Variants in PDSS2 observed in about 807,000 individuals in gnomAD.
PDSS2 encodes the protein all trans-polyprenyl-diphosphate synthase PDSS2.
PDSS2 carries 31 observed loss-of-function variants against 44.5 expected under a neutral mutation model. That is an observed-to-expected ratio of 0.70 (90% confidence interval 0.52 to 0.94). PDSS2 has a LOEUF of 0.94. PDSS2 is among the 40% of genes least tolerant of loss of function. The pLI, the probability that PDSS2 is intolerant of heterozygous loss-of-function variation, is 0.00. For synonymous variants in PDSS2, 157 were observed against 180.3 expected (o/e 0.87, Z 1.03); for missense variants, 452 against 482.2 (o/e 0.94, Z 0.59).
At chr6:107,361,348 A>G (rs2114285092) in intron 1 of PDSS2, among the ~76,000 whole-genome samples, 1 of 152,358 alleles carries the variant, frequency 6.6e-6, no homozygotes, top group East Asian at 1.9e-4. Flanking sequence ...TCACACAGGT[A>G]CAGGGTTAAT....
rs1170144922 is a variant in PDSS2 at position 107,165,148 on chromosome 6, T to G, written c.1042-10371A>C. The stretch of plus-strand genomic sequence containing the variant: ...ACTCTGATGGTAGTTTCTTTTGCTG[T>G]GCAGAAGCTCTTTAGTTTAATTAGA... On this transcript the variant is annotated intron_variant, in intron 7 of 7. Coordinates refer to ENST00000369037, the MANE Select transcript of PDSS2 (RefSeq NM_020381.4). 4.6e-5 allele frequency among the ~76,000 whole-genome samples: 7 copies of G among 152,220 alleles called. No individual in the cohort carries two copies. The East Asian group carries it at 9.6e-4, about 21-fold the overall frequency.
chr6:107,414,681 G>T (rs1006421468), intron 1 of PDSS2, among the ~76,000 whole-genome samples: 7 of 152,142 alleles, frequency 4.6e-5, no homozygotes, highest in African/African-American at 1.7e-4. Flanking sequence ...TCTCTTTTGA[G>T]ATAGTCCCAA....
intron 7 of PDSS2, among the ~76,000 whole-genome samples, chr6:107,189,632 C>T (rs577947408): frequency 3.3e-5 from 5 of 152,130 alleles, no homozygotes; most frequent in Non-Finnish European, 7.3e-5. Flanking sequence ...CCACTGTGCC[C>T]GGCCCCAGCC....
rs755030492 is a variant in PDSS2 at position 107,212,312 on chromosome 6, A to T, written c.703-30T>A. The T allele has an allele frequency of 1.9e-6, 3 of 1,550,394 alleles. No individual in the cohort carries two copies. The South Asian group carries it at 3.4e-5, about 18-fold the overall frequency. On this transcript the variant is annotated intron_variant, in intron 4 of 7. Coordinates refer to ENST00000369037, the MANE Select transcript of PDSS2 (RefSeq NM_020381.4). ...AAATGTAACAAAAGCCAAGATAAAA[A>T]AGACTTTAGGAGTAATTTAATTGTT...
chr6:107,261,023 T>A (rs766977851), intron 3 of PDSS2, among the ~76,000 whole-genome samples: 3 of 152,186 alleles, frequency 2.0e-5, no homozygotes, highest in Non-Finnish European at 4.4e-5. Flanking sequence ...AAAAAATCTA[T>A]TTTCAAGTTT....
chr6:107,427,854 C>T (rs1032476403), intron 1 of PDSS2, among the ~76,000 whole-genome samples: 1 of 152,192 alleles, frequency 6.6e-6, no homozygotes, highest in African/African-American at 2.4e-5. Context: ...ATTATTTCTA[C>T]AAATCCCAAC....
intron 7 of PDSS2, among the ~76,000 whole-genome samples, chr6:107,178,018 T>C (rs1262052871): frequency 2.0e-5 from 3 of 152,186 alleles, no homozygotes; most frequent in Non-Finnish European, 4.4e-5. Context: ...ATACATTTCT[T>C]ATATCCTTCT....
At chr6:107,204,240 TTATAA>T (rs1772895071) in intron 6 of PDSS2, among the ~76,000 whole-genome samples, 1 of 152,128 alleles carries the variant, frequency 6.6e-6, no homozygotes, top group Admixed American at 6.6e-5. Context: ...CGCGCACTGC[TTATAA>T]TATAATGTTT....
At chr6:107,163,126 C>A (rs1771208592) in intron 7 of PDSS2, among the ~76,000 whole-genome samples, 1 of 152,190 alleles carries the variant, frequency 6.6e-6, no homozygotes, top group Non-Finnish European at 1.5e-5. Flanking sequence ...ATTCTACATT[C>A]CCCTGACTGT....
intron 1 of PDSS2, among the ~76,000 whole-genome samples, chr6:107,430,171 T>C (rs1290233098): frequency 6.6e-6 from 1 of 151,882 alleles, no homozygotes. Context: ...TTTTGCACTC[T>C]TTTTTTGTAT....
At chr6:107,403,055 G>A (rs1262476777) in intron 1 of PDSS2, among the ~76,000 whole-genome samples, 6 of 152,106 alleles carry the variant, frequency 3.9e-5, no homozygotes, top group East Asian at 1.9e-4. Flanking sequence ...AGTTTCATCC[G>A]AGACAAGGCA....
intron 1 of PDSS2, among the ~76,000 whole-genome samples, chr6:107,426,356 A>G (rs1000325069): frequency 1.3e-5 from 2 of 152,224 alleles, no homozygotes; most frequent in Admixed American, 1.3e-4. Flanking sequence ...ACGTCTGCCT[A>G]GATTTCAGAG....
chr6:107,309,840 A>G (rs1776977407), intron 2 of PDSS2, among the ~76,000 whole-genome samples: 1 of 152,238 alleles, frequency 6.6e-6, no homozygotes, highest in Admixed American at 6.5e-5. Flanking sequence ...TCTTCATATA[A>G]TATTTTACTT....
At chr6:107,197,863 T>C (rs953045913) in intron 6 of PDSS2, 2 of 471,086 alleles carry the variant, frequency 4.2e-6, no homozygotes, top group Admixed American at 2.3e-5. Context: ...GTAGCATTTG[T>C]TGAAAGTTAG....
At chr6:107,391,158 G>A (rs1779767997) in intron 1 of PDSS2, among the ~76,000 whole-genome samples, 1 of 151,880 alleles carries the variant, frequency 6.6e-6, no homozygotes, top group Non-Finnish European at 1.5e-5. Context: ...TTATTCTTGT[G>A]GAAGAGATAA....
intron 3 of PDSS2, among the ~76,000 whole-genome samples, chr6:107,250,263 TAGA>T (rs946621138): frequency 9.3e-5 from 14 of 150,658 alleles, no homozygotes; most frequent in African/African-American, 3.0e-4. Flanking sequence ...ATTTACAAAA[TAGA>T]AGTAGTATGA....
At chr6:107,349,390 G>C (rs576706855) in intron 1 of PDSS2, among the ~76,000 whole-genome samples, 7 of 151,692 alleles carry the variant, frequency 4.6e-5, no homozygotes, top group Admixed American at 2.0e-4. Flanking sequence ...CCGAGATCGC[G>C]CCACTGCACT....
intron 1 of PDSS2, among the ~76,000 whole-genome samples, chr6:107,337,210 A>G (rs1777933057): frequency 6.6e-6 from 1 of 152,138 alleles, no homozygotes; most frequent in Admixed American, 6.5e-5. Flanking sequence ...GGGTACTACA[A>G]TTATCCTGAT....
chr6:107,207,978 G>GTTTTTTTTTTGTTTTTTTT (rs1562375444), intron 6 of PDSS2, among the ~76,000 whole-genome samples: 1 of 67,546 alleles, frequency 1.5e-5, no homozygotes, highest in Non-Finnish European at 2.6e-5. Flanking sequence ...TCTATGACTT[G>GTTTTTTTTTTGTTTTTTTT]TTTTTTTTTT....
Sources: gnomAD v4.1 joint callset for allele counts (sites outside exome capture counted in the v4.1 genomes callset) on GRCh38, gnomAD v4.1.1 for gene constraint, MANE v1.5 for transcripts, NCBI Gene and HGNC (gene_info 2026-07-23, HGNC 2026-07-21) for gene names.